Variants in NTF3 observed in about 807,000 individuals in gnomAD.
The protein encoded by NTF3 is neurotrophin 3.
A neutral mutation model predicts 26.3 loss-of-function variants in NTF3; 8 were observed. The ratio of observed to expected loss-of-function variants is 0.30; its 90% CI spans 0.18 to 0.55. NTF3 has a LOEUF of 0.55. NTF3 is among the 20% of genes least tolerant of loss of function. The pLI is 0.93. For synonymous variants in NTF3, 154 were observed against 145.5 expected, an observed-to-expected ratio of 1.06 and a Z score of -0.42; for missense variants, 276 against 352.9, an observed-to-expected ratio of 0.78 and a Z score of 1.75.
chr12:5,494,787 T>C lies in NTF3; in HGVS notation c.612T>C (p.Tyr204=). The change falls in exon 2 of 2, where the codon TAT becomes TAC. Residue 204 remains tyrosine (Y), a synonymous_variant. Transcript: ENST00000423158. This position sits in a 1 kb window ranked among gnomAD's most constrained non-coding sequence, Gnocchi z 8.3. ...TGNSPVKQYF[Y]ETRCKEARPV... Reference sequence around the variant, plus strand: ...ACTCTCCCGTCAAACAATATTTTTATGAAACGCGATGTAAGGAAGCCAGGC... The same window carrying C: ...ACTCTCCCGTCAAACAATATTTTTACGAAACGCGATGTAAGGAAGCCAGGC... 1 of 1,614,104 alleles carries C rather than the reference T, an allele frequency of 6.2e-7. No individual in the cohort carries two copies. Among genetic ancestry groups the C allele is most frequent in the Non-Finnish European group, 8.5e-7 (1 of 1,180,028 alleles).
At chr12:5,441,533 G>T (rs1940236409) in intron 1 of NTF3, among the ~76,000 whole-genome samples, 1 of 152,154 alleles carries the variant, frequency 6.6e-6, no homozygotes, top group Non-Finnish European at 1.5e-5. Flanking sequence ...AGAGCCTAAG[G>T]CTCCCTTCCC....
intron 1 of NTF3, among the ~76,000 whole-genome samples, chr12:5,487,851 A>G (rs4930817): frequency 0.44 from 66,335 of 152,028 alleles, 14,525 homozygotes; most frequent in South Asian, 0.51. Context: ...ATACCAACAG[A>G]GAGACTAGCT....
chr12:5,494,039 C>T lies in NTF3; in HGVS notation c.19-155C>T. 1.5e-6 allele frequency: 1 copy of T among 653,510 alleles called. No homozygotes were observed. The highest frequency in any genetic ancestry group is 2.6e-6 in the Non-Finnish European group (1 of 384,840). The allele number at this position is 653,510 out of a possible 1,614,324, so 40.5% of individuals were successfully genotyped here. A position where few individuals can be genotyped will look rare whatever the true frequency, so the allele number is the denominator to read the frequency against. The stretch of plus-strand genomic sequence containing the variant: ...CGGGGGTGGGGGAAAGAAATCACCT[C>T]TTCAGAATGTCCAGAGGGGAGTTGC... On this transcript the variant is annotated intron_variant, in intron 1 of 1. Coordinates refer to ENST00000423158, the MANE Select transcript of NTF3 (RefSeq NM_001102654.2). The surrounding 1 kb of genome is among the most constrained non-coding windows in gnomAD (Gnocchi z 8.3).
upstream of NTF3, among the ~76,000 whole-genome samples, chr12:5,431,083 A>T (rs1335912771): frequency 6.6e-6 from 1 of 152,166 alleles, no homozygotes; most frequent in Non-Finnish European, 1.5e-5. Context: ...TCTAACGGGC[A>T]GCTAAAATTA....
intron 1 of NTF3, among the ~76,000 whole-genome samples, chr12:5,485,993 C>T (rs1940861798): frequency 6.6e-6 from 1 of 152,220 alleles, no homozygotes; most frequent in African/African-American, 2.4e-5. Context: ...AGCTGTCAGT[C>T]TTCAGACACC....
chr12:5,440,077 G>A (rs983580101), intron 1 of NTF3, among the ~76,000 whole-genome samples: 7 of 152,134 alleles, frequency 4.6e-5, no homozygotes, highest in Non-Finnish European at 1.5e-5. Flanking sequence ...ATGTTGCCCT[G>A]TTTGAAGATT....
At chr12:5,432,997 G>A (rs1940116720) in intron 1 of NTF3, 1 of 152,246 alleles carries the variant, frequency 6.6e-6, no homozygotes, top group African/African-American at 2.4e-5. Context: ...CGCAGCTCAG[G>A]ACCCGGAACC....
chr12:5,449,370 T>G (rs187833093), intron 1 of NTF3, among the ~76,000 whole-genome samples: 24 of 152,370 alleles, frequency 1.6e-4, no homozygotes, highest in Admixed American at 9.1e-4. Flanking sequence ...CTCCTTTTTC[T>G]CTGCTTTCAG....
chr12:5,455,343 A>G (rs929037847), intron 1 of NTF3, among the ~76,000 whole-genome samples: 4 of 152,162 alleles, frequency 2.6e-5, no homozygotes, highest in Admixed American at 1.3e-4. Flanking sequence ...GGCTTATGCC[A>G]AGCTTCTTGA....
At chr12:5,462,341 T>A (rs944364535) in intron 1 of NTF3, among the ~76,000 whole-genome samples, 1 of 152,222 alleles carries the variant, frequency 6.6e-6, no homozygotes, top group African/African-American at 2.4e-5. Context: ...AGAGTCAGAA[T>A]ACCTGAATTC....
intron 1 of NTF3, among the ~76,000 whole-genome samples, chr12:5,479,229 C>T (rs1056390210): frequency 2.6e-5 from 4 of 152,272 alleles, no homozygotes; most frequent in African/African-American, 7.2e-5. Flanking sequence ...AGCTTCCCTC[C>T]GGTTAGAATT....
intron 1 of NTF3, among the ~76,000 whole-genome samples, chr12:5,473,940 C>T (rs984657119): frequency 6.6e-6 from 1 of 152,192 alleles, no homozygotes; most frequent in Non-Finnish European, 1.5e-5. Context: ...GCCTCACATG[C>T]GCATCTTCAG....
At chr12:5,434,409 T>C (rs1489990873) in intron 1 of NTF3, among the ~76,000 whole-genome samples, 1 of 151,930 alleles carries the variant, frequency 6.6e-6, no homozygotes, top group East Asian at 1.9e-4. Context: ...GATATGCTTA[T>C]CTATGGAGTG....
chr12:5,474,212 C>T (rs1940696791), intron 1 of NTF3, among the ~76,000 whole-genome samples: 1 of 152,124 alleles, frequency 6.6e-6, no homozygotes, highest in Admixed American at 6.5e-5. Flanking sequence ...CTACCATGAG[C>T]CAGGCACCAT....
chr12:5,436,490 A>G (rs941505103), intron 1 of NTF3, among the ~76,000 whole-genome samples: 6 of 152,192 alleles, frequency 3.9e-5, no homozygotes, highest in Admixed American at 6.5e-5. Flanking sequence ...TTTAATCTCT[A>G]TAACTCTTCT....
chr12:5,460,817 A>G (rs1014115300), intron 1 of NTF3, among the ~76,000 whole-genome samples: 9 of 152,214 alleles, frequency 5.9e-5, no homozygotes, highest in Non-Finnish European at 1.2e-4. Context: ...CCCAGAGAGC[A>G]TTTGATTCCT....
chr12:5,442,432 G>T (rs1431272606), intron 1 of NTF3, among the ~76,000 whole-genome samples: 1 of 152,134 alleles, frequency 6.6e-6, no homozygotes. Flanking sequence ...GCTTGGGGAG[G>T]TGTAGGTGTG....
chr12:5,432,432 G>T, intron 1 of NTF3, 90 bp downstream of exon 1: 3 of 1,442,372 alleles, frequency 2.1e-6, no homozygotes, highest in South Asian at 1.2e-5. Context: ...GGTGCGGGGG[G>T]CCCCAGATCC....
At chr12:5,431,641 A>G (rs1410571349), upstream of NTF3, among the ~76,000 whole-genome samples, 1 of 152,060 alleles carries the variant, frequency 6.6e-6, no homozygotes, top group Non-Finnish European at 1.5e-5. Flanking sequence ...TACGCCTCAG[A>G]CCTGATCCTC....
Sources: allele counts gnomAD v4.1 joint callset (sites outside exome capture counted in the v4.1 genomes callset), GRCh38; gene constraint gnomAD v4.1.1; non-coding constraint Gnocchi (gnomAD v3.1); transcripts MANE v1.5; gene names NCBI Gene and HGNC (gene_info 2026-07-23, HGNC 2026-07-21).